Variants in NPHS1 observed in about 807,000 individuals in gnomAD.
NPHS1 encodes the protein NPHS1 adhesion molecule, nephrin.
NPHS1 carries 107 observed loss-of-function variants against 139.7 expected under a neutral mutation model. The ratio of observed to expected loss-of-function variants is 0.77; its 90% CI spans 0.66 to 0.90. The LOEUF is 0.90. Ranked by LOEUF, NPHS1 falls within the 40% of genes least tolerant of loss-of-function variation. NPHS1 has a pLI of 0.00. For missense variants in NPHS1, 1,580 were observed against 1,654.2 expected, an observed-to-expected ratio of 0.96 and a Z score of 0.78; for synonymous variants, 707 against 706.6, an observed-to-expected ratio of 1.00 and a Z score of -0.01.
In NPHS1 at chr19:35,851,340, C is replaced by T. The variant is rs386833933; in HGVS notation, c.319G>A (p.Ala107Thr). Residue 107 changes from alanine (A) to threonine (T), a missense_variant, in exon 3 of 29, where the codon GCG becomes ACG. By Grantham distance (58) the Ala-to-Thr change is moderately conservative (BLOSUM62 0). Coordinates refer to ENST00000378910, the MANE Select transcript of NPHS1 (RefSeq NM_004646.4). ...HIEACDLSDD[A>T]EYECQVGRSE... ...CGGCCGACCTGGCACTCATACTCCG[C>T]GTCATCGCTGAGGTCACAGGCCTCG... 3.1e-5 allele frequency: 50 copies of T among 1,613,644 alleles called. No individual in the cohort carries two copies. Among genetic ancestry groups the T allele is most frequent in the Non-Finnish European group, 3.8e-5 (45 of 1,179,872 alleles).
At chr19:35,849,493 C>G in intron 6 of NPHS1, 57 bp downstream of exon 6, 2 of 1,583,806 alleles carry the variant, frequency 1.3e-6, no homozygotes, top group Non-Finnish European at 1.7e-6. Flanking sequence ...TCCCCCCACA[C>G]CCCCCAGTGC....
Position 35,851,803 on chromosome 19 carries a change from AG to A in NPHS1, c.34del (p.Leu12CysfsTer6). 8 of 1,553,216 alleles carry A rather than the reference AG, an allele frequency of 5.2e-6. No homozygotes were observed. Among genetic ancestry groups the A allele is most frequent in the Non-Finnish European group, 7.0e-6 (8 of 1,147,894 alleles). ...ALGTTLRASLLLLGLLTEGLA... is the reference protein window; with the variant it reads ...ALGTTLRASLXLLGLLTEGLA... Reference sequence around the variant, plus strand: ...ACCTTCAGTCAGCAGCCCCAGGAGCAGGAGAGAAGCCCTGAGCGTCGTCCCC... The same window carrying A: ...ACCTTCAGTCAGCAGCCCCAGGAGCAGAGAGAAGCCCTGAGCGTCGTCCCC... On this transcript the variant is annotated frameshift_variant, in exon 1 of 29. Transcript: ENST00000378910. LOFTEE classifies it high-confidence loss of function.
At position 35,851,571 on chromosome 19, in the gene NPHS1, C is replaced by T. The variant is rs774170395; in HGVS notation, c.160G>A (p.Gly54Arg). The T allele has an allele frequency of 6.2e-7, 1 of 1,614,010 alleles. No homozygotes were observed. Among genetic ancestry groups the T allele is most frequent in the South Asian group, 1.1e-5 (1 of 91,068 alleles). Residue 54 changes from glycine to arginine, a missense_variant, in exon 2 of 29, where the codon GGG becomes AGG. Physicochemically the swap from Gly to Arg is moderately radical, Grantham distance 125. Coordinates refer to ENST00000378910, the MANE Select transcript of NPHS1 (RefSeq NM_004646.4). ...VEGASVELRC[G>R]VSTPGSAVQW... ...ACCGCACTGCCAGGGGTGCTGACCC[C>T]ACAACGCAGCTCCACTGAGGCCCCC...
chr19:35,845,803 G>A lies in NPHS1; in HGVS notation c.1628-5C>T, dbSNP rs893324721. 3.1e-6 allele frequency: 5 copies of A among 1,612,048 alleles called. No homozygotes were observed. In the South Asian group the frequency reaches 4.4e-5, roughly 14 times the overall value. On this transcript the variant is annotated splice_region_variant and splice_polypyrimidine_tract_variant and intron_variant, in intron 12 of 28. Transcript: ENST00000378910. The surrounding 1 kb of genome is among the most constrained non-coding windows in gnomAD (Gnocchi z 5.5). ...TCGTCACGTTAGTTGGGGGAACTGGGAGACGGGGTTGGAGGAGCGAGACTC... is the reference window on the plus strand; with the variant it reads ...TCGTCACGTTAGTTGGGGGAACTGGAAGACGGGGTTGGAGGAGCGAGACTC...
At chr19:35,843,979 C>G in intron 16 of NPHS1, 124 bp downstream of exon 16, 12 of 1,379,696 alleles carry the variant, frequency 8.7e-6, no homozygotes, top group Non-Finnish European at 1.2e-5. Context: ...GCTGGGACTT[C>G]CAGAACGGGA....
At chr19:35,834,232 C>A (rs544412849) in intron 23 of NPHS1, among the ~76,000 whole-genome samples, 1 of 152,236 alleles carries the variant, frequency 6.6e-6, no homozygotes, top group East Asian at 1.9e-4. Context: ...TTTTGACCCC[C>A]GTGACCACCT....
Position 35,849,714 on chromosome 19 carries a change from G to C in NPHS1, c.609-61C>G, listed in dbSNP as rs2267588. ...ATCATCTGAAATTTGGGGAGTCAGG[G>C]AGAAGAGGTGGGGATGTCACCTCTG... On this transcript the variant is annotated intron_variant, in intron 5 of 28. Coordinates refer to ENST00000378910, the MANE Select transcript of NPHS1 (RefSeq NM_004646.4). 4.3e-3 allele frequency: 5,445 copies of C among 1,272,516 alleles called. 153 individuals are homozygous for C. In the East Asian group the frequency reaches 0.073, roughly 17 times the overall value. The allele number at this position is 1,272,516 out of a possible 1,614,324, so 78.8% of individuals were successfully genotyped here.
In NPHS1 at chr19:35,845,290, A is replaced by C; in HGVS notation, c.1930+78T>G. The C allele has an allele frequency of 6.7e-7, 1 of 1,494,482 alleles. No individual in the cohort carries two copies. Among genetic ancestry groups the C allele is most frequent in the Non-Finnish European group, 9.3e-7 (1 of 1,073,654 alleles). The allele number at this position is 1,494,482 out of a possible 1,614,324, so 92.6% of individuals were successfully genotyped here. ...GAGAGAGAGAGAGAAGAGAAAAAGA[A>C]GGAAAAAAAGGTAAGACCCAAGGAG... On this transcript the variant is annotated intron_variant, in intron 14 of 28. Coordinates refer to ENST00000378910, the MANE Select transcript of NPHS1 (RefSeq NM_004646.4). This position sits in a 1 kb window ranked among gnomAD's most constrained non-coding sequence, Gnocchi z 5.5.
At chr19:35,847,186 C>T (rs1461206428) in intron 11 of NPHS1, among the ~76,000 whole-genome samples, 1 of 151,842 alleles carries the variant, frequency 6.6e-6, no homozygotes, top group African/African-American at 2.4e-5. Flanking sequence ...GCTGGGACTA[C>T]AGGCACCTGC....
intron 22 of NPHS1, among the ~76,000 whole-genome samples, chr19:35,838,239 C>T (rs552085365): frequency 3.3e-5 from 5 of 150,088 alleles, no homozygotes; most frequent in South Asian, 2.1e-4. Flanking sequence ...AACAAAACTG[C>T]GTCTCAGAAC....
At chr19:35,847,504 G>A (rs989517700) in intron 11 of NPHS1, among the ~76,000 whole-genome samples, 16 of 151,544 alleles carry the variant, frequency 1.1e-4, no homozygotes, top group Non-Finnish European at 1.3e-4. Flanking sequence ...ACAGGCCCCC[G>A]CCACCATGCC....
In NPHS1 at chr19:35,850,971, G is replaced by T; in HGVS notation, c.516C>A (p.Thr172=). The T allele has an allele frequency of 6.2e-7, 1 of 1,614,048 alleles. No homozygotes were observed. ...SGDAKPAPDI[T]ILLSGQTISD... ...TTCACCCACACTCACTCAGGAGAAT[G>T]GTGATGTCAGGTGCTGGCTTCGCGT... Residue 172 remains threonine, a synonymous_variant, in exon 4 of 29, where the codon ACC becomes ACA. Transcript: ENST00000378910.
At position 35,831,515 on chromosome 19, in the gene NPHS1, A is replaced by G; in HGVS notation, c.3287-15T>C. 2 of 1,614,004 alleles carry G rather than the reference A, an allele frequency of 1.2e-6. No individual in the cohort carries two copies. Among genetic ancestry groups the G allele is most frequent in the Non-Finnish European group, 1.7e-6 (2 of 1,179,952 alleles). ...CTCTGAGATGCCTGAAGGAAACAGG[A>G]ATAAAGGGCTCAGTGACCCTATGCA... On this transcript the variant is annotated splice_polypyrimidine_tract_variant and intron_variant, in intron 24 of 28. Transcript: ENST00000378910.
At chr19:35,848,866 T>A in intron 8 of NPHS1, 72 bp from the exon 9 acceptor site, 2 of 1,612,102 alleles carry the variant, frequency 1.2e-6, no homozygotes, top group Non-Finnish European at 1.7e-6. Context: ...AGAACAGGAC[T>A]GGAGACAGAT....
rs1391060429 is a variant in NPHS1 at position 35,839,488 on chromosome 19, G to A, written c.2927+8C>T. 1.2e-6 allele frequency: 2 copies of A among 1,613,686 alleles called. No individual in the cohort carries two copies. The highest frequency in any genetic ancestry group is 1.7e-6 in the Non-Finnish European group (2 of 1,179,756). On this transcript the variant is annotated splice_region_variant and intron_variant, in intron 21 of 28. Transcript: ENST00000378910. ...ATTCCCTTCCCTCCTGCCTCGACAAGGACCCACCTGATGCAGAACCTCTGT... is the reference window on the plus strand; with the variant it reads ...ATTCCCTTCCCTCCTGCCTCGACAAAGACCCACCTGATGCAGAACCTCTGT...
At chr19:35,850,615 A>G (rs1973226164) in intron 4 of NPHS1, among the ~76,000 whole-genome samples, 170 bp from the exon 5 acceptor site, 1 of 152,102 alleles carries the variant, frequency 6.6e-6, no homozygotes, top group African/African-American at 2.4e-5. Flanking sequence ...GACTGCCTGA[A>G]TGCCGCAGTC....
At chr19:35,837,073 A>AGAAAGAAAGAAAGAAAGAAAGAAAG (rs765643414) in intron 22 of NPHS1, among the ~76,000 whole-genome samples, 2 of 130,494 alleles carry the variant, frequency 1.5e-5, no homozygotes, top group Non-Finnish European at 3.5e-5. Context: ...AAAGAAAGAA[A>AGAAAGAAAGAAAGAAAGAAAGAAAG]AATAAACTGA....
rs1402547024 is a variant in NPHS1, at chr19:35,844,123, C to A, written c.2192G>T (p.Arg731Leu). The change falls in exon 16 of 29, where the codon CGG (arginine) becomes CTG (leucine). Residue 731 changes from arginine (R) to leucine (L), a missense_variant. Arg to Leu is a moderately radical substitution (Grantham distance 102, BLOSUM62 -2). Coordinates refer to ENST00000378910, the MANE Select transcript of NPHS1 (RefSeq NM_004646.4). Reference protein sequence around the residue: ...CQNSEGTAEARLRLDVHYAPT... With the variant: ...CQNSEGTAEALLRLDVHYAPT... ...CTCACAGTGCACGTCCAGCCGCAGC[C>A]GCGCTTCCGCGGTGCCCTCAGAGTT... 2 of 1,608,314 alleles carry A rather than the reference C, an allele frequency of 1.2e-6. No individual in the cohort carries two copies.
rs547598963 is a variant in NPHS1, at chr19:35,848,694, C to G, written c.1113G>C (p.Leu371=). ...CVSKSSRPRV[L]LRWWLGWRQL... ...GCCGCCAGCCCAGCCACCATCGTAG[C>G]AGAACCCGCGGGCGACTGGACTTGC... The change falls in exon 9 of 29, where the codon CTG becomes CTC. Residue 371 remains leucine (L), a synonymous_variant. Transcript: ENST00000378910. 22 of 1,614,168 alleles carry G rather than the reference C, an allele frequency of 1.4e-5. No homozygotes were observed. The African/African-American group carries it at 2.5e-4, about 19-fold the overall frequency.
Sources: allele counts gnomAD v4.1 joint callset (sites outside exome capture counted in the v4.1 genomes callset), GRCh38; gene constraint gnomAD v4.1.1; non-coding constraint Gnocchi (gnomAD v3.1); transcripts MANE v1.5; gene names NCBI Gene and HGNC (gene_info 2026-07-23, HGNC 2026-07-21).